Variants in FAM53A observed in about 807,000 individuals in gnomAD.
FAM53A encodes protein FAM53A.
A neutral mutation model predicts 26.6 loss-of-function variants in FAM53A; 28 were observed. The observed-to-expected ratio is 1.05, with a 90% CI of 0.78 to 1.45. FAM53A has a LOEUF of 1.45. FAM53A is among the 40% of genes most tolerant of loss of function. The pLI is 0.00. For synonymous variants in FAM53A, 290 were observed against 253.1 expected (o/e 1.15, Z -1.38); for missense variants, 650 against 575.8 (o/e 1.13, Z -1.32).
At chr4:1,595,244 A>G in the FAM53A span, among the ~76,000 whole-genome samples, 60,699 of 152,166 alleles carry the variant, frequency 0.4, 12,391 homozygotes, top group South Asian at 0.45. Flanking sequence ...GGGCCCCAGC[A>G]GCAGGGGTGC....
chr4:1,590,783 C>T, the FAM53A span, among the ~76,000 whole-genome samples: 1 of 150,726 alleles, frequency 6.6e-6, no homozygotes, highest in Admixed American at 6.6e-5. Context: ...AGAGGTAATT[C>T]AATTAATTTA....
the FAM53A span, among the ~76,000 whole-genome samples, chr4:1,606,353 C>A: frequency 6.6e-6 from 1 of 151,968 alleles, no homozygotes; most frequent in East Asian, 1.9e-4. Flanking sequence ...CCTCCTATGA[C>A]TCTTACTGGG....
the FAM53A span, among the ~76,000 whole-genome samples, chr4:1,612,882 T>A: frequency 1.3e-5 from 2 of 152,156 alleles, no homozygotes; most frequent in Non-Finnish European, 2.9e-5. Flanking sequence ...CACAGGCACA[T>A]GGCACCCACT....
chr4:1,669,926 C>T (rs904181105), intron 1 of FAM53A, among the ~76,000 whole-genome samples: 2 of 152,216 alleles, frequency 1.3e-5, no homozygotes, highest in African/African-American at 2.4e-5. Context: ...CTTCAGTTTC[C>T]GGCCAGTCTT....
chr4:1,584,138 C>G, the FAM53A span, among the ~76,000 whole-genome samples: 4 of 152,364 alleles, frequency 2.6e-5, no homozygotes, highest in South Asian at 6.2e-4. Flanking sequence ...CATTCATTAA[C>G]ATGGCCTATC....
the FAM53A span, among the ~76,000 whole-genome samples, chr4:1,578,654 AC>A: frequency 6.9e-6 from 1 of 144,290 alleles, no homozygotes; most frequent in African/African-American, 2.6e-5. Context: ...CGAGGTCGCG[AC>A]CCCCCTACCC....
chr4:1,633,008 ACACG>A (rs1715677332), intron 1 of FAM53A, among the ~76,000 whole-genome samples: 1 of 132,014 alleles, frequency 7.6e-6, no homozygotes, highest in African/African-American at 4.1e-5. Flanking sequence ...ACTCGTGCTC[ACACG>A]CATAGGTACA....
the FAM53A span, among the ~76,000 whole-genome samples, chr4:1,598,652 A>T: frequency 1.3e-5 from 2 of 151,576 alleles, no homozygotes; most frequent in Admixed American, 6.6e-5. Flanking sequence ...ATGTGTCTTT[A>T]AAAAAAAAGA....
intron 2 of FAM53A, among the ~76,000 whole-genome samples, chr4:1,657,844 T>C (rs918621691): frequency 2.0e-5 from 3 of 151,880 alleles, no homozygotes; most frequent in Non-Finnish European, 4.4e-5. Flanking sequence ...TTTCACCGTG[T>C]TAGCCAGGAC....
At chr4:1,612,778 C>G in the FAM53A span, among the ~76,000 whole-genome samples, 1 of 152,234 alleles carries the variant, frequency 6.6e-6, no homozygotes, top group Non-Finnish European at 1.5e-5. Context: ...CACATGTACA[C>G]ACCTGCATCC....
the FAM53A span, among the ~76,000 whole-genome samples, chr4:1,605,768 G>GAA: frequency 2.0e-5 from 3 of 152,074 alleles, no homozygotes; most frequent in African/African-American, 7.3e-5. This position sits in a 1 kb window ranked among gnomAD's most constrained non-coding sequence, Gnocchi z 5.7. Flanking sequence ...TGAAACCCTG[G>GAA]GGCGGGCACA....
At chr4:1,669,318 C>T (rs1714468197) in intron 1 of FAM53A, among the ~76,000 whole-genome samples, 1 of 152,254 alleles carries the variant, frequency 6.6e-6, no homozygotes, top group South Asian at 2.1e-4. Context: ...ACCCCTCCCG[C>T]TCCCATGCCA....
rs140550735 is a variant in FAM53A at position 1,627,582 on chromosome 4, C to T, written c.432-9471G>A. 9.1e-4 allele frequency among the ~76,000 whole-genome samples: 138 copies of T among 152,272 alleles called. 3 individuals carry two copies. The South Asian group carries it at 0.016, about 17-fold the overall frequency. On this transcript the variant is annotated intron_variant, in intron 1 of 1. Coordinates refer to the FAM53A transcript ENST00000489029. The stretch of plus-strand genomic sequence containing the variant: ...CACAGCATGGTGGAGAGCTGGGGCT[C>T]CCATCCGCCGTGGGCCTGATCCTTC...
At position 1,630,808 on chromosome 4, in the gene FAM53A, A is replaced by C. The variant is rs943837777; in HGVS notation, c.432-12697T>G. On this transcript the variant is annotated intron_variant, in intron 1 of 1. Coordinates refer to the FAM53A transcript ENST00000489029. This position sits in a 1 kb window ranked among gnomAD's most constrained non-coding sequence, Gnocchi z 4.3. ...GGGGCTCATTTGGGCGATGGGATAA[A>C]ATGGTTTGGAACCAGAGAGAGGCGG... Among the ~76,000 whole-genome samples the C allele has an allele frequency of 6.6e-6, 1 of 152,144 alleles. No individual in the cohort carries two copies. Among genetic ancestry groups the C allele is most frequent in the Non-Finnish European group, 1.5e-5 (1 of 68,018 alleles).
At chr4:1,625,708 G>A (rs1184335442) in intron 1 of FAM53A, among the ~76,000 whole-genome samples, 6 of 135,624 alleles carry the variant, frequency 4.4e-5, no homozygotes, top group African/African-American at 1.4e-4. Context: ...CTACGTACCA[G>A]CCCATGTGGT....
chr4:1,587,283 C>A, the FAM53A span, among the ~76,000 whole-genome samples: 1 of 152,142 alleles, frequency 6.6e-6, no homozygotes, highest in Non-Finnish European at 1.5e-5. Context: ...GTTGCCTGTG[C>A]TTTTGGGGTC....
chr4:1,647,044 G>A (rs978759099), intron 4 of FAM53A, among the ~76,000 whole-genome samples: 1 of 152,034 alleles, frequency 6.6e-6, no homozygotes, highest in South Asian at 2.1e-4. Context: ...AAGTAGCTTC[G>A]CCAGTAAAAG....
chr4:1,580,742 T>G, the FAM53A span, among the ~76,000 whole-genome samples: 1 of 33,566 alleles, frequency 3.0e-5, no homozygotes, highest in Non-Finnish European at 5.8e-5. Flanking sequence ...TCCCAGGTCC[T>G]GCCTCCCGTC....
the FAM53A span, among the ~76,000 whole-genome samples, chr4:1,596,956 G>A: frequency 3.0e-4 from 46 of 152,176 alleles, no homozygotes; most frequent in East Asian, 2.9e-3. Flanking sequence ...CCGGGGGCTC[G>A]CCCTGGGCAG....
Sources: gnomAD v4.1 joint callset for allele counts (sites outside exome capture counted in the v4.1 genomes callset) on GRCh38, gnomAD v4.1.1 for gene constraint, Gnocchi (gnomAD v3.1) non-coding constraint, MANE v1.5 for transcripts, NCBI Gene and HGNC (gene_info 2026-07-23, HGNC 2026-07-21) for gene names.